DPP10: variants seen among roughly 807,000 people sequenced by gnomAD.
DPP10 encodes the protein inactive dipeptidyl peptidase 10.
In DPP10, 33 loss-of-function variants were observed where a neutral mutation model predicts 120.9. That is an observed-to-expected ratio of 0.27 (90% confidence interval 0.21 to 0.37). DPP10 has a LOEUF of 0.37. Among genes scored for constraint, DPP10 ranks in the 10% least tolerant of loss-of-function variants. DPP10 has a pLI of 1.00. For missense variants in DPP10, 816 were observed against 942.8 expected (o/e 0.87, Z 1.76); for synonymous variants, 337 against 326.1 (o/e 1.03, Z -0.36).
chr2:115,776,552 C>T (rs1682119684), intron 13 of DPP10, among the ~76,000 whole-genome samples: 1 of 152,008 alleles, frequency 6.6e-6, no homozygotes, highest in South Asian at 2.1e-4. Flanking sequence ...CTTTCTAATC[C>T]ATTCTAATCA....
At chr2:114,460,771 A>G (rs1363788052) in intron 1 of DPP10, among the ~76,000 whole-genome samples, 1 of 152,204 alleles carries the variant, frequency 6.6e-6, no homozygotes, top group Non-Finnish European at 1.5e-5. Flanking sequence ...ACTAATTCAG[A>G]ATGCCTATTT....
rs761503848 is a variant in DPP10, at chr2:115,174,866, A to G, written c.61-134373A>G. 5.3e-5 allele frequency among the ~76,000 whole-genome samples: 8 copies of G among 152,316 alleles called. No homozygotes were observed. The South Asian group carries it at 1.5e-3, about 28-fold the overall frequency. On this transcript the variant is annotated intron_variant, in intron 1 of 25. Transcript: ENST00000410059. ...CACCAGCAGTGAGGTCCTGGAATGC[A>G]GCCAGTCAGCCAACATTGCTTGTCG... is the stretch of plus-strand genomic sequence containing the variant.
chr2:114,531,357 G>C (rs575102040), intron 1 of DPP10, among the ~76,000 whole-genome samples: 33 of 152,016 alleles, frequency 2.2e-4, no homozygotes, highest in Admixed American at 4.6e-4. Context: ...TATGTCACGT[G>C]TGAATCCTTT....
chr2:115,080,659 C>T (rs541970633), intron 1 of DPP10, among the ~76,000 whole-genome samples: 1 of 152,188 alleles, frequency 6.6e-6, no homozygotes, highest in Non-Finnish European at 1.5e-5. Flanking sequence ...ATAGATAAAG[C>T]TTGCCAACCC....
At chr2:114,556,309 T>A (rs928646653) in intron 1 of DPP10, among the ~76,000 whole-genome samples, 1 of 137,662 alleles carries the variant, frequency 7.3e-6, no homozygotes, top group African/African-American at 2.7e-5. Context: ...AGATAATAGA[T>A]AGATAGAAAT....
At chr2:114,493,459 T>C (rs182239458) in intron 1 of DPP10, among the ~76,000 whole-genome samples, 1 of 152,270 alleles carries the variant, frequency 6.6e-6, no homozygotes, top group Admixed American at 6.5e-5. Context: ...AGGGACTTAC[T>C]TTAATGCTGG....
At chr2:114,599,670 A>G (rs1446526526) in intron 1 of DPP10, among the ~76,000 whole-genome samples, 6 of 151,420 alleles carry the variant, frequency 4.0e-5, no homozygotes, top group East Asian at 3.9e-4. Flanking sequence ...GTTTTGCGCT[A>G]TTTTGAATAA....
chr2:115,496,911 T>A (rs1167582527), intron 3 of DPP10, among the ~76,000 whole-genome samples: 1 of 152,000 alleles, frequency 6.6e-6, no homozygotes, highest in East Asian at 1.9e-4. Flanking sequence ...AGGGAATGGA[T>A]GCTGCTGATT....
At chr2:115,187,185 C>T (rs1057194640) in intron 1 of DPP10, among the ~76,000 whole-genome samples, 92 of 149,896 alleles carry the variant, frequency 6.1e-4, no homozygotes, top group Non-Finnish European at 6.1e-4. Flanking sequence ...TACAGGCGCC[C>T]GCCACCACGC....
At chr2:114,443,729 G>A (rs1345377188) in intron 1 of DPP10, among the ~76,000 whole-genome samples, 1 of 149,864 alleles carries the variant, frequency 6.7e-6, no homozygotes, top group Non-Finnish European at 1.5e-5. Flanking sequence ...AACAAAAAAC[G>A]TGATATCCTG....
intron 7 of DPP10, among the ~76,000 whole-genome samples, chr2:115,690,429 A>G (rs6733252): frequency 0.98 from 149,303 of 152,230 alleles, 73,262 homozygotes; most frequent in Middle Eastern, 1. Context: ...ATGTATGTGC[A>G]TGTTTATTTT....
intron 1 of DPP10, among the ~76,000 whole-genome samples, chr2:114,864,520 C>G (rs528986368): frequency 6.6e-6 from 1 of 152,172 alleles, no homozygotes; most frequent in Admixed American, 6.5e-5. Context: ...GATCACATCA[C>G]CATGAAACAT....
intron 3 of DPP10, among the ~76,000 whole-genome samples, chr2:115,483,463 C>CTATT (rs2075566092): frequency 1.1e-5 from 1 of 89,494 alleles, no homozygotes; most frequent in African/African-American, 4.4e-5. Context: ...ATCTATCTAT[C>CTATT]TATCTATCTA....
At chr2:114,889,967 T>C (rs1692404816) in intron 1 of DPP10, among the ~76,000 whole-genome samples, 1 of 152,236 alleles carries the variant, frequency 6.6e-6, no homozygotes, top group Non-Finnish European at 1.5e-5. Context: ...TGGAGAAGAC[T>C]AGATACAATT....
chr2:114,890,059 C>T (rs920920173), intron 1 of DPP10, among the ~76,000 whole-genome samples: 1 of 152,192 alleles, frequency 6.6e-6, no homozygotes, highest in Admixed American at 6.5e-5. Context: ...TAAGTCATGT[C>T]TCCTTTCGTC....
At chr2:114,812,045 C>T (rs528365989) in intron 1 of DPP10, among the ~76,000 whole-genome samples, 13 of 152,178 alleles carry the variant, frequency 8.5e-5, no homozygotes, top group Admixed American at 3.9e-4. Flanking sequence ...AACCTGAAGT[C>T]AGATCTGTTT....
intron 3 of DPP10, among the ~76,000 whole-genome samples, chr2:115,398,345 A>G (rs2067832603): frequency 6.6e-6 from 1 of 152,182 alleles, no homozygotes; most frequent in African/African-American, 2.4e-5. Flanking sequence ...TGCATTATTA[A>G]GTAGTTAAAA....
chr2:115,370,033 G>T (rs2065308859), intron 3 of DPP10, among the ~76,000 whole-genome samples: 1 of 152,106 alleles, frequency 6.6e-6, no homozygotes, highest in Admixed American at 6.6e-5. Context: ...AAAGCTGCAT[G>T]AAGGCTTTCC....
chr2:114,653,023 A>AGTGTGTGTGTGTGT (rs1307967017), intron 1 of DPP10, among the ~76,000 whole-genome samples: 57 of 102,630 alleles, frequency 5.6e-4, no homozygotes, highest in African/African-American at 3.5e-3. Flanking sequence ...AGAGAGAGAG[A>AGTGTGTGTGTGTGT]GAGAGTGTGT....
Sources: allele counts gnomAD v4.1 joint callset (sites outside exome capture counted in the v4.1 genomes callset), GRCh38; gene constraint gnomAD v4.1.1; transcripts MANE v1.5; gene names NCBI Gene and HGNC (gene_info 2026-07-23, HGNC 2026-07-21).